Variants in C1QL4 observed in about 807,000 individuals in gnomAD.
C1QL4 encodes the protein complement C1q like 4, also known as complement C1q-like protein 4.
In C1QL4, 5 loss-of-function variants were observed where a neutral mutation model predicts 13.4. The observed-to-expected ratio is 0.37, with a 90% confidence interval of 0.19 to 0.78. The LOEUF is 0.78. C1QL4 is among the 30% of genes least tolerant of loss of function. The probability of loss-of-function intolerance (pLI) is 0.47; values close to 1 mark genes in which losing one functional copy is unlikely to be tolerated. For missense variants in C1QL4, 367 were observed against 361.6 expected (o/e 1.01, Z -0.12); for synonymous variants, 168 against 153.9 (o/e 1.09, Z -0.68).
At chr12:49,334,994 C>T (rs1943621233) in intron 1 of C1QL4, among the ~76,000 whole-genome samples, 1 of 152,226 alleles carries the variant, frequency 6.6e-6, no homozygotes, top group African/African-American at 2.4e-5. Context: ...CCCCAACCTC[C>T]CTCTGCAGCC....
intron 1 of C1QL4, 103 bp from the exon 2 acceptor site, chr12:49,333,336 G>C (rs2137079046): frequency 8.2e-7 from 1 of 1,213,986 alleles, no homozygotes; most frequent in South Asian, 1.5e-5. Flanking sequence ...CCGCCGCAGG[G>C]GCTGGGGAGG....
intron 1 of C1QL4, among the ~76,000 whole-genome samples, chr12:49,334,492 C>G (rs1466559807): frequency 3.3e-5 from 5 of 152,226 alleles, no homozygotes; most frequent in African/African-American, 1.2e-4. Context: ...GGCCTTCAGC[C>G]CCCCTCTTCT....
rs1359942554 is a variant in C1QL4, at chr12:49,332,820, G to A, written c.*234C>T. The A allele has an allele frequency of 3.6e-6, 2 of 555,784 alleles. No homozygotes were observed. Among genetic ancestry groups the A allele is most frequent in the Non-Finnish European group, 6.4e-6 (2 of 314,786 alleles). The allele number at this position is 555,784 out of a possible 1,614,324, so 34.4% of individuals were successfully genotyped here. ...CCTATGGGGTCCAGCGCGCACTTGG[G>A]TGCGGGTGATCCCTCCGGAAGTCGC... On this transcript the variant is annotated 3_prime_UTR_variant, in exon 2 of 2. Coordinates refer to ENST00000334221, the MANE Select transcript of C1QL4 (RefSeq NM_001008223.2).
chr12:49,336,558 T>C lies in C1QL4; in HGVS notation c.-81A>G. The C allele has an allele frequency of 7.3e-7, 1 of 1,367,502 alleles. No individual in the cohort carries two copies. Among genetic ancestry groups the C allele is most frequent in the Non-Finnish European group, 9.4e-7 (1 of 1,064,206 alleles). The allele number at this position is 1,367,502 out of a possible 1,614,324, so 84.7% of individuals were successfully genotyped here. ...GCCAGGGCCAGCAAATCTTCCTCAC[T>C]CTTGGGCGCAATGGCTGCCGGGGCC... On this transcript the variant is annotated 5_prime_UTR_variant, in exon 1 of 2. Coordinates refer to ENST00000334221, the MANE Select transcript of C1QL4 (RefSeq NM_001008223.2). The surrounding 1 kb of genome is among the most constrained non-coding windows in gnomAD (Gnocchi z 7.7).
intron 1 of C1QL4, 21 bp from the exon 2 acceptor site, chr12:49,333,254 G>C (rs1214575202): frequency 6.2e-7 from 1 of 1,609,730 alleles, no homozygotes; most frequent in Non-Finnish European, 8.5e-7. Context: ...AGAAGAACCT[G>C]CTCATGCTCT....
Position 49,336,638 on chromosome 12 carries a change from C to G in C1QL4, c.-161G>C, listed in dbSNP as rs1465811924. The G allele has an allele frequency of 3.9e-6, 3 of 779,146 alleles. No homozygotes were observed. Among genetic ancestry groups the G allele is most frequent in the Non-Finnish European group, 5.5e-6 (3 of 542,434 alleles). 48.3% of individuals were successfully genotyped at this position (779,146 alleles called of 1,614,324 possible). On this transcript the variant is annotated 5_prime_UTR_variant, in exon 1 of 2. Transcript: ENST00000334221. This position sits in a 1 kb window ranked among gnomAD's most constrained non-coding sequence, Gnocchi z 7.7. Reference sequence around the variant, plus strand: ...CCCGCCTTGGGCCTGGGTCTGCACTCCCCCGACGGCTGCCCCCCGCTCCCC... The same window carrying G: ...CCCGCCTTGGGCCTGGGTCTGCACTGCCCCGACGGCTGCCCCCCGCTCCCC...
At chr12:49,335,769 T>A (rs1293269186) in intron 1 of C1QL4, among the ~76,000 whole-genome samples, 172 bp downstream of exon 1, 1 of 152,220 alleles carries the variant, frequency 6.6e-6, no homozygotes, top group Non-Finnish European at 1.5e-5. Flanking sequence ...GTTTTCCTTC[T>A]CTGGCCCCCA....
At chr12:49,334,502 TAG>T (rs1943616535) in intron 1 of C1QL4, among the ~76,000 whole-genome samples, 1 of 152,220 alleles carries the variant, frequency 6.6e-6, no homozygotes, top group Non-Finnish European at 1.5e-5. Context: ...CCCCCTCTTC[TAG>T]AGAGTCCCAC....
rs1943604742 is a variant in C1QL4 at position 49,333,112 on chromosome 12, T to A, written c.659A>T (p.His220Leu). 1 of 1,614,138 alleles carries A rather than the reference T, an allele frequency of 6.2e-7. No individual in the cohort carries two copies. ...VFIKLDGGKV[H>L]GGNTNKYSTF... The stretch of plus-strand genomic sequence containing the variant: ...GCTGTACTTGTTGGTGTTGCCGCCG[T>A]GCACTTTCCCGCCGTCCAGCTTGAT... The change falls in exon 2 of 2, where the codon CAC becomes CTC. Residue 220 changes from histidine to leucine, a missense_variant. His to Leu is a moderately conservative substitution (Grantham distance 99). Coordinates refer to ENST00000334221, the MANE Select transcript of C1QL4 (RefSeq NM_001008223.2).
intron 1 of C1QL4, among the ~76,000 whole-genome samples, chr12:49,334,619 G>T (rs1037513360): frequency 6.6e-6 from 1 of 152,136 alleles, no homozygotes; most frequent in Non-Finnish European, 1.5e-5. Context: ...TGGGAGCTGC[G>T]CAGTCCCCTC....
chr12:49,336,286 C>A lies in C1QL4; in HGVS notation c.192G>T (p.Gly64=), dbSNP rs1019949925. The A allele has an allele frequency of 3.8e-5, 54 of 1,419,802 alleles. No individual in the cohort carries two copies. Among genetic ancestry groups the A allele is most frequent in the Non-Finnish European group, 4.6e-5 (50 of 1,094,606 alleles). 88.0% of individuals were successfully genotyped at this position (1,419,802 alleles called of 1,614,324 possible). The change falls in exon 1 of 2, where the codon GGG becomes GGT. Residue 64 remains glycine (G), a synonymous_variant. Transcript: ENST00000334221. The surrounding 1 kb of genome is among the most constrained non-coding windows in gnomAD (Gnocchi z 7.7). ...PGAKGEVGRR[G]KAGLRGPPGP... Reference sequence around the variant, plus strand: ...CAGGGGGCCCCCGCAGGCCTGCTTTCCCGCGCCGGCCCACCTCTCCCTTGG... The same window carrying A: ...CAGGGGGCCCCCGCAGGCCTGCTTTACCGCGCCGGCCCACCTCTCCCTTGG...
chr12:49,335,920 T>G, intron 1 of C1QL4, 21 bp downstream of exon 1: 1 of 1,586,988 alleles, frequency 6.3e-7, no homozygotes, highest in South Asian at 1.1e-5. Context: ...CTGAGCTGGG[T>G]TGGGGAGAGG....
In C1QL4 at chr12:49,336,554, TCA is replaced by T. The variant is rs1389453516; in HGVS notation, c.-79_-78del. ...CGCTGCCAGGGCCAGCAAATCTTCC[TCA>T]CTCTTGGGCGCAATGGCTGCCGGGG... On this transcript the variant is annotated 5_prime_UTR_variant, in exon 1 of 2. Coordinates refer to ENST00000334221, the MANE Select transcript of C1QL4 (RefSeq NM_001008223.2). This position sits in a 1 kb window ranked among gnomAD's most constrained non-coding sequence, Gnocchi z 7.7. The T allele has an allele frequency of 2.2e-6, 3 of 1,388,152 alleles. No homozygotes were observed. The Admixed American group carries it at 1.1e-4, about 49-fold the overall frequency. The allele number at this position is 1,388,152 out of a possible 1,614,324, so 86.0% of individuals were successfully genotyped here. A position where few individuals can be genotyped will look rare whatever the true frequency, so the allele number is the denominator to read the frequency against.
Position 49,336,136 on chromosome 12 carries a change from C to T in C1QL4, c.342G>A (p.Ala114=). The T allele has an allele frequency of 1.2e-6, 2 of 1,610,542 alleles. No individual in the cohort carries two copies. The highest frequency in any genetic ancestry group is 1.9e-4 in the Middle Eastern group (1 of 5,206). Residue 114 remains alanine, a synonymous_variant, in exon 1 of 2, where the codon GCG becomes GCA. Transcript: ENST00000334221. This position sits in a 1 kb window ranked among gnomAD's most constrained non-coding sequence, Gnocchi z 7.7. Reference sequence around the variant, plus strand: ...AACCCTCGTGGGGCCGCCGCAGGCCCGCGTAGAAAGCAATGCGAGGCACGT... The same window carrying T: ...AACCCTCGTGGGGCCGCCGCAGGCCTGCGTAGAAAGCAATGCGAGGCACGT... The part of the protein sequence containing the change: ...AGYVPRIAFY[A]GLRRPHEGYE...
Position 49,332,847 on chromosome 12 carries a change from C to T in C1QL4, c.*207G>A. The stretch of plus-strand genomic sequence containing the variant: ...GCGGGTGATCCCTCCGGAAGTCGCT[C>T]TGCTCCTCTGGCCGGGTCTCCTCCT... On this transcript the variant is annotated 3_prime_UTR_variant, in exon 2 of 2. Transcript: ENST00000334221. 1.7e-6 allele frequency: 1 copy of T among 601,492 alleles called. No homozygotes were observed. Among genetic ancestry groups the T allele is most frequent in the Non-Finnish European group, 2.9e-6 (1 of 346,202 alleles). The allele number at this position is 601,492 out of a possible 1,614,324, so 37.3% of individuals were successfully genotyped here. A position where few individuals can be genotyped will look rare whatever the true frequency, so the allele number is the denominator to read the frequency against.
At position 49,333,022 on chromosome 12, in the gene C1QL4, A is replaced by G. The variant is rs749500003; in HGVS notation, c.*32T>C. 3.2e-6 allele frequency: 5 copies of G among 1,563,486 alleles called. No homozygotes were observed. Among genetic ancestry groups the G allele is most frequent in the Non-Finnish European group, 3.5e-6 (4 of 1,152,234 alleles). On this transcript the variant is annotated 3_prime_UTR_variant, in exon 2 of 2. Transcript: ENST00000334221. ...AGGAGGTGGGTGAGGACGGGAGAGA[A>G]GGGGCGAGCGGGGGCACGGGGCGGG...
At chr12:49,333,992 G>A (rs867972379) in intron 1 of C1QL4, among the ~76,000 whole-genome samples, 7 of 151,368 alleles carry the variant, frequency 4.6e-5, no homozygotes, top group South Asian at 2.1e-4. Context: ...TCGGGAGTTC[G>A]AGACCGGCCT....
At chr12:49,335,234 A>T (rs996190605) in intron 1 of C1QL4, among the ~76,000 whole-genome samples, 2 of 151,966 alleles carry the variant, frequency 1.3e-5, no homozygotes, top group African/African-American at 4.8e-5. Flanking sequence ...AGGCTATTCT[A>T]CCTGTCCCTT....
At chr12:49,335,565 G>A (rs532842884) in intron 1 of C1QL4, among the ~76,000 whole-genome samples, 1 of 152,310 alleles carries the variant, frequency 6.6e-6, no homozygotes, top group South Asian at 2.1e-4. Flanking sequence ...CCAAAGGCCA[G>A]GGGGGCTGCC....
Sources: allele counts gnomAD v4.1 joint callset (sites outside exome capture counted in the v4.1 genomes callset), GRCh38; gene constraint gnomAD v4.1.1; non-coding constraint Gnocchi (gnomAD v3.1); transcripts MANE v1.5; gene names NCBI Gene and HGNC (gene_info 2026-07-23, HGNC 2026-07-21).